The following PRKN variants were observed in gnomAD, a reference collection of about 807,000 sequenced individuals.
PRKN encodes parkin RBR E3 ubiquitin protein ligase.
Under a neutral mutation model 59.5 loss-of-function variants are expected in PRKN, and 56 were observed. The ratio of observed to expected loss-of-function variants is 0.94; its 90% confidence interval spans 0.76 to 1.18. PRKN has a LOEUF of 1.18. PRKN is among the 50% of genes most tolerant of loss of function. The pLI is 0.00. For synonymous variants in PRKN, 250 were observed against 222.1 expected (o/e 1.13, Z -1.12); for missense variants, 657 against 596.4 (o/e 1.10, Z -1.06).
rs376984281 is a variant in PRKN at position 161,529,427 on chromosome 6, G to A, written c.1083+19427C>T. ...CAATACCAGCATGCAAGAAAGCTCC[G>A]AGTCTTAGAGATGGAAGAGGCCTCC... is the stretch of plus-strand genomic sequence containing the variant. On this transcript the variant is annotated intron_variant, in intron 9 of 11. Transcript: ENST00000366898. The surrounding 1 kb of genome is among the most constrained non-coding windows in gnomAD (Gnocchi z 4.4). Among the ~76,000 whole-genome samples the A allele has an allele frequency of 1.8e-4, 27 of 152,252 alleles. No individual in the cohort carries two copies. The highest frequency in any genetic ancestry group is 9.7e-4 in the East Asian group (5 of 5,172).
intron 5 of PRKN, among the ~76,000 whole-genome samples, chr6:161,983,889 T>A (rs2128255086): frequency 6.7e-6 from 1 of 148,838 alleles, no homozygotes; most frequent in East Asian, 2.0e-4. Context: ...ACATGTACCC[T>A]AAAACTTAGA....
intron 4 of PRKN, among the ~76,000 whole-genome samples, chr6:162,071,707 G>A (rs1019163550): frequency 2.0e-5 from 3 of 150,588 alleles, no homozygotes; most frequent in African/African-American, 7.3e-5. Flanking sequence ...AGTGATTCTT[G>A]TGCCACAGCC....
At chr6:162,574,631 G>A (rs995558184) in intron 1 of PRKN, among the ~76,000 whole-genome samples, 4 of 152,014 alleles carry the variant, frequency 2.6e-5, no homozygotes, top group Admixed American at 2.0e-4. Context: ...TAGGATGGCC[G>A]TTTCATAGGA....
intron 5 of PRKN, among the ~76,000 whole-genome samples, chr6:162,037,970 T>C (rs565345098): frequency 1.3e-5 from 2 of 150,168 alleles, no homozygotes; most frequent in Admixed American, 6.7e-5. Flanking sequence ...ATAATAGTTT[T>C]AAATTACACA....
At chr6:162,307,139 C>A (rs1562657053) in intron 2 of PRKN, among the ~76,000 whole-genome samples, 1 of 152,092 alleles carries the variant, frequency 6.6e-6, no homozygotes, top group Non-Finnish European at 1.5e-5. Context: ...GTGGCTTGTG[C>A]CTGTAATCCC....
chr6:161,550,549 G>A lies in PRKN; in HGVS notation c.934-1546C>T, dbSNP rs1377210852. Reference sequence around the variant, plus strand: ...GGGAAGGTAGTGCTGGAGGTAGGATGAGTGTTTGAATTCTGGGTATAAATT... The same window carrying A: ...GGGAAGGTAGTGCTGGAGGTAGGATAAGTGTTTGAATTCTGGGTATAAATT... On this transcript the variant is annotated intron_variant, in intron 8 of 11. Coordinates refer to ENST00000366898, the MANE Select transcript of PRKN (RefSeq NM_004562.3). The surrounding 1 kb of genome is among the most constrained non-coding windows in gnomAD (Gnocchi z 4.0). Among the ~76,000 whole-genome samples, 1 of 152,154 alleles carries A rather than the reference G, an allele frequency of 6.6e-6. No homozygotes were observed. The highest frequency in any genetic ancestry group is 1.9e-4 in the East Asian group (1 of 5,194).
In PRKN at chr6:161,395,108, A is replaced by G. The variant is rs1237330341; in HGVS notation, c.1084-8231T>C. Among the ~76,000 whole-genome samples, 7 of 152,202 alleles carry G rather than the reference A, an allele frequency of 4.6e-5. No individual in the cohort carries two copies. The highest frequency in any genetic ancestry group is 1.7e-4 in the African/African-American group (7 of 41,442). On this transcript the variant is annotated intron_variant, in intron 9 of 11. Coordinates refer to ENST00000366898, the MANE Select transcript of PRKN (RefSeq NM_004562.3). The surrounding 1 kb of genome is among the most constrained non-coding windows in gnomAD (Gnocchi z 5.0). ...TCTCCTTTCCTCCTTGGTCAGCTACATAGCTTCCCAGAGACAATCACTGTC... is the reference window on the plus strand; with the variant it reads ...TCTCCTTTCCTCCTTGGTCAGCTACGTAGCTTCCCAGAGACAATCACTGTC...
chr6:162,595,032 G>A (rs113827593), intron 1 of PRKN, among the ~76,000 whole-genome samples: 3,119 of 151,982 alleles, frequency 0.021, 107 homozygotes, highest in African/African-American at 0.07. Context: ...AAATTAGCTG[G>A]GCACTGTGGC....
intron 1 of PRKN, among the ~76,000 whole-genome samples, chr6:162,670,931 T>A (rs1463041716): frequency 6.6e-6 from 1 of 152,226 alleles, no homozygotes; most frequent in Non-Finnish European, 1.5e-5. Context: ...GAATTAAAGT[T>A]CTACTTTGAT....
chr6:162,454,952 G>C (rs889995445), intron 1 of PRKN, among the ~76,000 whole-genome samples: 2 of 152,176 alleles, frequency 1.3e-5, no homozygotes, highest in Non-Finnish European at 2.9e-5. Context: ...GAACGATGAT[G>C]TATTTTTTAG....
chr6:161,489,232 G>GAAA (rs35552619), intron 9 of PRKN, among the ~76,000 whole-genome samples: 95 of 147,564 alleles, frequency 6.4e-4, no homozygotes, highest in Middle Eastern at 7.0e-3. Context: ...ATTCATACTG[G>GAAA]AAAAAAAAAA....
At chr6:162,074,685 C>T (rs1205003523) in intron 4 of PRKN, among the ~76,000 whole-genome samples, 2 of 152,156 alleles carry the variant, frequency 1.3e-5, no homozygotes, top group Non-Finnish European at 2.9e-5. Flanking sequence ...AGTGAAGTGA[C>T]TCGTCCTCCA....
In PRKN at chr6:162,656,301, C is replaced by T. The variant is rs571052350; in HGVS notation, c.7+71361G>A. 2.8e-4 allele frequency among the ~76,000 whole-genome samples: 43 copies of T among 152,330 alleles called. 1 individual carries two copies. The highest frequency in any genetic ancestry group is 5.9e-4 in the Non-Finnish European group (40 of 68,044). ...AAATTGTTGATCATCAAAGATTCTACAATGAGCTTTAAGATCCTTCTCAAT... is the reference window on the plus strand; with the variant it reads ...AAATTGTTGATCATCAAAGATTCTATAATGAGCTTTAAGATCCTTCTCAAT... On this transcript the variant is annotated intron_variant, in intron 1 of 11. Coordinates refer to ENST00000366898, the MANE Select transcript of PRKN (RefSeq NM_004562.3).
chr6:161,751,740 C>T (rs576581538), intron 7 of PRKN, among the ~76,000 whole-genome samples: 1 of 152,308 alleles, frequency 6.6e-6, no homozygotes, highest in Non-Finnish European at 1.5e-5. Context: ...CAAATAAACT[C>T]ACCAATGAAT....
At chr6:162,093,758 G>A (rs890181392) in intron 4 of PRKN, among the ~76,000 whole-genome samples, 1 of 152,078 alleles carries the variant, frequency 6.6e-6, no homozygotes, top group East Asian at 1.9e-4. Flanking sequence ...TAAACCCCCC[G>A]TAACTCATAA....
At chr6:162,690,011 CTAAAT>C (rs1777714542) in intron 1 of PRKN, among the ~76,000 whole-genome samples, 2 of 151,726 alleles carry the variant, frequency 1.3e-5, no homozygotes, top group Admixed American at 1.3e-4. Context: ...ATTATGTCCT[CTAAAT>C]AAAAGATATT....
intron 7 of PRKN, among the ~76,000 whole-genome samples, chr6:161,773,454 T>C (rs1789780437): frequency 6.6e-6 from 1 of 152,130 alleles, no homozygotes; most frequent in African/African-American, 2.4e-5. Context: ...CTATCATCTA[T>C]CTATCTATTA....
chr6:162,546,100 G>GTTTTTTTT (rs11396761), intron 1 of PRKN, among the ~76,000 whole-genome samples: 1 of 116,662 alleles, frequency 8.6e-6, no homozygotes, highest in African/African-American at 3.5e-5. Flanking sequence ...AGTGTATGCA[G>GTTTTTTTT]TTTTTTTTTT....
At chr6:162,501,497 G>A (rs2128187993) in intron 1 of PRKN, among the ~76,000 whole-genome samples, 1 of 149,126 alleles carries the variant, frequency 6.7e-6, no homozygotes, top group East Asian at 2.0e-4. Flanking sequence ...ACAGGCATGT[G>A]CCACCACGCC....
Sources: gnomAD v4.1 joint callset for allele counts (sites outside exome capture counted in the v4.1 genomes callset) on GRCh38, gnomAD v4.1.1 for gene constraint, Gnocchi (gnomAD v3.1) non-coding constraint, MANE v1.5 for transcripts, NCBI Gene and HGNC (gene_info 2026-07-23, HGNC 2026-07-21) for gene names.